The following PTPRK variants were observed in gnomAD, a reference collection of about 807,000 sequenced individuals.
PTPRK encodes the protein receptor-type tyrosine-protein phosphatase kappa.
PTPRK carries 75 observed loss-of-function variants against 178.0 expected under a neutral mutation model. The ratio of observed to expected loss-of-function variants is 0.42; its 90% CI spans 0.35 to 0.51. The LOEUF is 0.51. Ranked by LOEUF, PTPRK falls within the 20% of genes least tolerant of loss-of-function variation. PTPRK has a pLI of 0.02. For synonymous variants in PTPRK, 637 were observed against 620.6 expected, an observed-to-expected ratio of 1.03 and a Z score of -0.39; for missense variants, 1,441 against 1,797.8, an observed-to-expected ratio of 0.80 and a Z score of 3.59.
Position 128,032,979 on chromosome 6 carries a change from T to C in PTPRK, c.2195-23711A>G, listed in dbSNP as rs371276706. Among the ~76,000 whole-genome samples, 11 of 152,260 alleles carry C rather than the reference T, an allele frequency of 7.2e-5. No individual in the cohort carries two copies. The East Asian group carries it at 1.4e-3, about 19-fold the overall frequency. On this transcript the variant is annotated intron_variant, in intron 13 of 29. Coordinates refer to ENST00000368226, the MANE Select transcript of PTPRK (RefSeq NM_002844.4). ...ACCCAGAGGTACACCCCAAGCCAGT[T>C]CTAAATTACGTGATCTTCCCAGGAA... is the stretch of plus-strand genomic sequence containing the variant.
At chr6:128,106,524 GAA>G (rs756913777) in intron 7 of PTPRK, among the ~76,000 whole-genome samples, 1 of 146,294 alleles carries the variant, frequency 6.8e-6, no homozygotes, top group Non-Finnish European at 1.5e-5. Flanking sequence ...CAACTAACTT[GAA>G]AAAAAAAAGC....
chr6:128,489,443 A>G (rs1225314674), intron 1 of PTPRK, among the ~76,000 whole-genome samples: 1 of 152,216 alleles, frequency 6.6e-6, no homozygotes, highest in East Asian at 1.9e-4. Context: ...CATGAGCTGG[A>G]ACAAACTTCA....
At chr6:128,265,901 C>T (rs933929652) in intron 3 of PTPRK, among the ~76,000 whole-genome samples, 1 of 152,206 alleles carries the variant, frequency 6.6e-6, no homozygotes, top group South Asian at 2.1e-4. Context: ...GTCATGCGGA[C>T]TCCACCTTGG....
At position 127,973,810 on chromosome 6, in the gene PTPRK, C is replaced by G; in HGVS notation, c.3987G>C (p.Leu1329=). The change falls in exon 28 of 30, where the codon CTG becomes CTC. Residue 1329 remains leucine (L), a synonymous_variant. Transcript: ENST00000368226. ...CTAGGTACTGAAACTGTTGCACCAT[C>G]AGATAACCTTCCTGTGGCTGTAGAG... ...CNLTRPQEGY[L]MVQQFQYLGW... is the part of the protein sequence containing the mutation. 6.2e-7 allele frequency: 1 copy of G among 1,613,170 alleles called. No homozygotes were observed. The highest frequency in any genetic ancestry group is 1.1e-5 in the South Asian group (1 of 91,006).
chr6:128,150,835 T>G (rs1204005592), intron 7 of PTPRK, among the ~76,000 whole-genome samples: 1 of 152,122 alleles, frequency 6.6e-6, no homozygotes, highest in Admixed American at 6.6e-5. Flanking sequence ...TTACTCATCA[T>G]TATAGGAGGA....
chr6:128,447,599 T>C (rs1847193658), intron 1 of PTPRK, among the ~76,000 whole-genome samples: 1 of 151,936 alleles, frequency 6.6e-6, no homozygotes, highest in Non-Finnish European at 1.5e-5. Flanking sequence ...GCTGTGGCCA[T>C]TTTTGAGTGT....
chr6:128,175,599 A>G (rs538553262), intron 7 of PTPRK, among the ~76,000 whole-genome samples: 16 of 151,836 alleles, frequency 1.1e-4, no homozygotes, highest in Non-Finnish European at 1.9e-4. Flanking sequence ...TAAGCGGAAT[A>G]TAGAACTGTA....
At chr6:128,510,504 T>C (rs961448634) in intron 1 of PTPRK, among the ~76,000 whole-genome samples, 1 of 152,198 alleles carries the variant, frequency 6.6e-6, no homozygotes, top group African/African-American at 2.4e-5. Flanking sequence ...ATCACCATCA[T>C]CTCTTGAGGT....
intron 7 of PTPRK, among the ~76,000 whole-genome samples, chr6:128,167,413 A>T (rs1334595290): frequency 6.6e-6 from 1 of 151,960 alleles, no homozygotes; most frequent in African/African-American, 2.4e-5. Flanking sequence ...AAAGGAATGT[A>T]TAAAATTGTT....
intron 1 of PTPRK, among the ~76,000 whole-genome samples, chr6:128,472,429 C>G (rs940787798): frequency 8.7e-5 from 13 of 149,938 alleles, no homozygotes; most frequent in Non-Finnish European, 1.2e-4. Context: ...CACCCCCCCC[C>G]CCTTTAGCTT....
At position 128,090,007 on chromosome 6, in the gene PTPRK, A is replaced by T; in HGVS notation, c.1163-15T>A. On this transcript the variant is annotated splice_polypyrimidine_tract_variant and intron_variant, in intron 7 of 29. Transcript: ENST00000368226. The stretch of plus-strand genomic sequence containing the variant: ...TCTCATAGGTTCTGAAAAATAAATC[A>T]GAGTTGTAGACAGCTGTCTATTATA... 3 of 1,564,002 alleles carry T rather than the reference A, an allele frequency of 1.9e-6. No homozygotes were observed. The highest frequency in any genetic ancestry group is 2.6e-6 in the Non-Finnish European group (3 of 1,135,380).
intron 1 of PTPRK, among the ~76,000 whole-genome samples, chr6:128,478,333 T>C (rs1384738158): frequency 1.3e-5 from 2 of 152,106 alleles, no homozygotes; most frequent in Non-Finnish European, 2.9e-5. Context: ...TCACTGTGCC[T>C]AAGTATTGGT....
chr6:128,217,124 G>T (rs1809461726), intron 6 of PTPRK, among the ~76,000 whole-genome samples: 1 of 152,112 alleles, frequency 6.6e-6, no homozygotes, highest in Admixed American at 6.5e-5. Context: ...ACACCTTCAG[G>T]CTTTCAAAAT....
intron 1 of PTPRK, among the ~76,000 whole-genome samples, chr6:128,494,580 G>A (rs1351380656): frequency 6.6e-6 from 1 of 152,092 alleles, no homozygotes; most frequent in African/African-American, 2.4e-5. Context: ...AAAGGCTAGA[G>A]CCAAACACAA....
intron 2 of PTPRK, among the ~76,000 whole-genome samples, chr6:128,331,961 A>G (rs1227161671): frequency 6.6e-6 from 1 of 151,978 alleles, no homozygotes. Context: ...AAATAGAAAA[A>G]TGTATGGATT....
At position 128,127,915 on chromosome 6, in the gene PTPRK, C is replaced by T. The variant is rs117452744; in HGVS notation, c.1163-37923G>A. 4.3e-3 allele frequency among the ~76,000 whole-genome samples: 654 copies of T among 152,276 alleles called. 1 individual carries two copies. Among genetic ancestry groups the T allele is most frequent in the Non-Finnish European group, 4.8e-3 (325 of 68,010 alleles). On this transcript the variant is annotated intron_variant, in intron 7 of 29. Coordinates refer to ENST00000368226, the MANE Select transcript of PTPRK (RefSeq NM_002844.4). ...GCCTGTGGATCAGCTTACTAAGAGA[C>T]TGTCCTGTGATTTCAAAATAAACTA...
intron 1 of PTPRK, among the ~76,000 whole-genome samples, chr6:128,489,640 T>C (rs555169567): frequency 1.3e-5 from 2 of 152,376 alleles, no homozygotes; most frequent in East Asian, 3.9e-4. Context: ...TAAATTACAC[T>C]ATATGAAAGG....
chr6:128,244,508 G>T (rs1235942735), intron 3 of PTPRK, among the ~76,000 whole-genome samples: 1 of 152,116 alleles, frequency 6.6e-6, no homozygotes, highest in Non-Finnish European at 1.5e-5. Flanking sequence ...GTTTCAAGCA[G>T]GTCAACACTC....
intron 16 of PTPRK, 31 bp downstream of exon 16, chr6:127,998,689 C>T: frequency 6.7e-7 from 1 of 1,501,040 alleles, no homozygotes; most frequent in Non-Finnish European, 9.0e-7. Context: ...AGTTAAAAAT[C>T]AAATTCAATA....
Sources: gnomAD v4.1 joint callset for allele counts (sites outside exome capture counted in the v4.1 genomes callset) on GRCh38, gnomAD v4.1.1 for gene constraint, MANE v1.5 for transcripts, NCBI Gene and HGNC (gene_info 2026-07-23, HGNC 2026-07-21) for gene names.